Variants in MCF2L observed in about 807,000 individuals in gnomAD.
The protein encoded by MCF2L is MCF.2 cell line derived transforming sequence like, also known as guanine nucleotide exchange factor DBS.
Under a neutral mutation model 153.4 loss-of-function variants are expected in MCF2L, and 97 were observed. The observed-to-expected ratio is 0.63, with a 90% CI of 0.54 to 0.75. MCF2L has a LOEUF of 0.75. MCF2L is among the 30% of genes least tolerant of loss of function. The pLI is 0.00. For synonymous variants in MCF2L, 659 were observed against 632.2 expected (o/e 1.04, Z -0.64); for missense variants, 1,347 against 1,495.2 (o/e 0.90, Z 1.64).
chr13:112,917,717 C>CT (rs1462399234), intron 2 of MCF2L, among the ~76,000 whole-genome samples: 1 of 152,260 alleles, frequency 6.6e-6, no homozygotes, highest in African/African-American at 2.4e-5. Flanking sequence ...CTGTTCAGCT[C>CT]TGACCTGGAG....
intron 21 of MCF2L, 38 bp from the exon 22 acceptor site, chr13:113,087,197 A>C: frequency 6.4e-7 from 1 of 1,565,366 alleles, no homozygotes; most frequent in Non-Finnish European, 8.8e-7. Context: ...CCCCAGGCCC[A>C]TCCCGTCCTG....
At chr13:113,056,127 C>G (rs2087751605) in intron 4 of MCF2L, among the ~76,000 whole-genome samples, 1 of 152,252 alleles carries the variant, frequency 6.6e-6, no homozygotes, top group Non-Finnish European at 1.5e-5. Flanking sequence ...CACCCAGTGA[C>G]AGGACATTGT....
At chr13:113,057,017 TGCTGAGTGGGCACTGAGTGGGC>T (rs1163572584) in intron 4 of MCF2L, among the ~76,000 whole-genome samples, 1 of 138,828 alleles carries the variant, frequency 7.2e-6, no homozygotes, top group East Asian at 2.3e-4. Flanking sequence ...TGTGTTTGGG[TGCTGAGTGGGCACTGAGTGGGC>T]GCTGAGTGTT....
At chr13:112,988,736 C>T (rs533314722) in intron 1 of MCF2L, among the ~76,000 whole-genome samples, 63 of 143,114 alleles carry the variant, frequency 4.4e-4, no homozygotes, top group African/African-American at 1.7e-3. Context: ...GGAGCTACCA[C>T]ACCCGAGTCC....
At chr13:112,935,371 C>T (rs1021310003) in intron 2 of MCF2L, among the ~76,000 whole-genome samples, 1 of 152,180 alleles carries the variant, frequency 6.6e-6, no homozygotes, top group African/African-American at 2.4e-5. Context: ...GATTCTCCTG[C>T]CTCAGCCTCC....
Position 113,094,625 on chromosome 13 carries a change from C to G in MCF2L, c.3065C>G (p.Pro1022Arg), listed in dbSNP as rs1217238187. The change falls in exon 27 of 30, where the codon CCC becomes CGC. Residue 1022 changes from proline to arginine, a missense_variant. Physicochemically the swap from Pro to Arg is moderately radical, Grantham distance 103. Around this residue, in one of 3 missense-constraint regions of MCF2L, gnomAD observed 383 missense variants for 335.4 expected, o/e 1.14. Transcript: ENST00000535094. ...SDAEEDGGLG[P>R]KKLVPGKYTV... ...GCAGAGGAGGACGGCGGGTTGGGCCCCAAGAAGCTGGTAACCACGGCTTCC... is the reference window on the plus strand; with the variant it reads ...GCAGAGGAGGACGGCGGGTTGGGCCGCAAGAAGCTGGTAACCACGGCTTCC... 1 of 1,610,422 alleles carries G rather than the reference C, an allele frequency of 6.2e-7. No homozygotes were observed. The highest frequency in any genetic ancestry group is 1.3e-5 in the African/African-American group (1 of 74,978).
chr13:112,913,862 T>A (rs2081261546), intron 2 of MCF2L, among the ~76,000 whole-genome samples: 1 of 152,224 alleles, frequency 6.6e-6, no homozygotes, highest in South Asian at 2.1e-4. Flanking sequence ...TTTAAACAGC[T>A]CTGTCTTCTC....
intron 1 of MCF2L, among the ~76,000 whole-genome samples, chr13:112,900,461 A>G (rs1302153490): frequency 6.6e-6 from 1 of 152,252 alleles, no homozygotes; most frequent in Non-Finnish European, 1.5e-5. Context: ...ATGAAAAACC[A>G]CACAGGAGCC....
At chr13:112,899,841 G>A (rs1032060394) in intron 1 of MCF2L, among the ~76,000 whole-genome samples, 7 of 152,238 alleles carry the variant, frequency 4.6e-5, no homozygotes, top group Non-Finnish European at 8.8e-5. Context: ...CCTTCACTGG[G>A]TAAAAGTGAA....
chr13:113,080,437 T>G (rs969504725), intron 15 of MCF2L, among the ~76,000 whole-genome samples: 4 of 152,134 alleles, frequency 2.6e-5, no homozygotes, highest in African/African-American at 9.7e-5. Context: ...CCCAGTCCTC[T>G]CCCCTGTGCC....
chr13:113,025,869 T>C (rs2085247937), intron 3 of MCF2L, among the ~76,000 whole-genome samples: 1 of 141,516 alleles, frequency 7.1e-6, no homozygotes. Flanking sequence ...CCCGTGACTG[T>C]GGGTCGGGGC....
At chr13:113,066,967 G>A (rs1280707499) in intron 8 of MCF2L, among the ~76,000 whole-genome samples, 3 of 152,362 alleles carry the variant, frequency 2.0e-5, no homozygotes, top group East Asian at 3.9e-4. Flanking sequence ...ACATGCCAAG[G>A]GCCCCGGGGA....
intron 1 of MCF2L, among the ~76,000 whole-genome samples, chr13:112,998,135 C>A (rs551146887): frequency 1.3e-5 from 2 of 152,224 alleles, no homozygotes; most frequent in Non-Finnish European, 1.5e-5. Context: ...CCGTGCACAG[C>A]GCAGCTCCTA....
At chr13:113,006,743 C>A (rs769294159) in intron 1 of MCF2L, among the ~76,000 whole-genome samples, 5 of 152,216 alleles carry the variant, frequency 3.3e-5, no homozygotes, top group African/African-American at 1.2e-4. Context: ...ATGCTCCCTG[C>A]GGGTGCCACC....
intron 2 of MCF2L, among the ~76,000 whole-genome samples, chr13:112,925,831 G>A (rs571671098): frequency 3.3e-5 from 5 of 152,268 alleles, no homozygotes; most frequent in African/African-American, 4.8e-5. Flanking sequence ...AAAGCATTGC[G>A]TTGATTACAT....
Position 113,069,935 on chromosome 13 carries a change from A to C in MCF2L, c.882-124A>C. 6.7e-6 allele frequency: 4 copies of C among 601,180 alleles called. No individual in the cohort carries two copies. The East Asian group carries it at 1.4e-4, about 21-fold the overall frequency. The allele number at this position is 601,180 out of a possible 1,614,324, so 37.2% of individuals were successfully genotyped here. ...AGGTTTAGGTGCAGGGAGTGAGCGG[A>C]GGCCAGGATCTCAGGAAGGCCCGGG... On this transcript the variant is annotated intron_variant, in intron 8 of 29. Transcript: ENST00000535094.
intron 1 of MCF2L, among the ~76,000 whole-genome samples, chr13:112,972,497 T>C (rs575122212): frequency 5.3e-4 from 78 of 145,832 alleles, no homozygotes; most frequent in African/African-American, 1.7e-3. Flanking sequence ...TGGATGATGA[T>C]GGATGGATGG....
chr13:112,902,105 T>C (rs1047613101), intron 1 of MCF2L: 93 of 904,482 alleles, frequency 1.0e-4, no homozygotes, highest in Admixed American at 2.4e-4. Flanking sequence ...ACCACGAAGG[T>C]TGTAACTAGT....
intron 2 of MCF2L, among the ~76,000 whole-genome samples, chr13:112,911,110 C>A (rs2081226975): frequency 6.6e-6 from 1 of 152,164 alleles, no homozygotes; most frequent in Non-Finnish European, 1.5e-5. Flanking sequence ...TGGTGTTGAA[C>A]CCCCGCGGGT....
Sources: allele counts gnomAD v4.1 joint callset (sites outside exome capture counted in the v4.1 genomes callset), GRCh38; gene constraint gnomAD v4.1.1; regional missense constraint gnomAD v4.1.1; transcripts MANE v1.5; gene names NCBI Gene and HGNC (gene_info 2026-07-23, HGNC 2026-07-21).